Variants in MICAL1 observed in about 807,000 individuals in gnomAD.
MICAL1 encodes [F-actin]-monooxygenase MICAL1.
In MICAL1, 95 loss-of-function variants were observed where a neutral mutation model predicts 131.8. The observed-to-expected ratio is 0.72, with a 90% confidence interval of 0.61 to 0.86. The LOEUF (loss-of-function observed/expected upper bound fraction) is 0.86. Ranked by LOEUF, MICAL1 falls within the 40% of genes least tolerant of loss-of-function variation. The pLI, the probability that MICAL1 is intolerant of heterozygous loss-of-function variation, is 0.00. For missense variants in MICAL1, 1,292 were observed against 1,380.6 expected (o/e 0.94, Z 1.02); for synonymous variants, 546 against 554.2 (o/e 0.99, Z 0.21).
At chr6:109,456,220 G>C (rs1399604563), upstream of MICAL1, among the ~76,000 whole-genome samples, 1 of 152,200 alleles carries the variant, frequency 6.6e-6, no homozygotes, top group Non-Finnish European at 1.5e-5. Context: ...GCGGTCCCAG[G>C]TCCGCTGGCA....
At chr6:109,454,262 G>C in intron 1 of MICAL1, 23 bp from the exon 2 acceptor site, 2 of 1,530,136 alleles carry the variant, frequency 1.3e-6, no homozygotes, top group Non-Finnish European at 8.8e-7. Flanking sequence ...AAAAAGAAGG[G>C]GAAGAGGCTG....
In MICAL1 at chr6:109,445,716, G is replaced by A. The variant is rs897793589; in HGVS notation, c.2673+55C>T. On this transcript the variant is annotated intron_variant, in intron 20 of 24. Transcript: ENST00000358807. ...AGAAGGGTGCAGTGGACCAGTGCAG[G>A]TTTCTCCTGTAGTGGGCTGGAGAGC... The A allele has an allele frequency of 3.8e-6, 6 of 1,574,292 alleles. No individual in the cohort carries two copies. In the African/African-American group the frequency reaches 6.7e-5, roughly 18 times the overall value.
At chr6:109,460,490 A>C (rs1775857890), upstream of MICAL1, among the ~76,000 whole-genome samples, 1 of 147,594 alleles carries the variant, frequency 6.8e-6, no homozygotes, top group South Asian at 2.1e-4. Flanking sequence ...TTGATGTCCC[A>C]TGTTTCAAGT....
upstream of MICAL1, among the ~76,000 whole-genome samples, chr6:109,458,477 C>G (rs1230841202): frequency 6.6e-6 from 1 of 152,160 alleles, no homozygotes; most frequent in Non-Finnish European, 1.5e-5. Flanking sequence ...TGCCTGTAAT[C>G]CCAGCTACTC....
At chr6:109,460,652 G>T (rs1775863998), upstream of MICAL1, among the ~76,000 whole-genome samples, 1 of 152,058 alleles carries the variant, frequency 6.6e-6, no homozygotes, top group Non-Finnish European at 1.5e-5. Flanking sequence ...GTCACTCCTT[G>T]AGAGCTGCTA....
At chr6:109,446,976 A>AGCCTGTTTCCATCCTGT in intron 17 of MICAL1, 97 bp downstream of exon 17, 1 of 1,462,636 alleles carries the variant, frequency 6.8e-7, no homozygotes, top group South Asian at 1.3e-5. Flanking sequence ...TGCCATCTTG[A>AGCCTGTTTCCATCCTGT]GCCTGTTTCC....
At chr6:109,450,188 C>G in intron 8 of MICAL1, 103 bp from the exon 9 acceptor site, 1 of 1,560,126 alleles carries the variant, frequency 6.4e-7, no homozygotes, top group Non-Finnish European at 8.7e-7. Flanking sequence ...CATCCCCACA[C>G]CAGGCAGCCC....
chr6:109,448,768 A>T lies in MICAL1; in HGVS notation c.1628T>A (p.Leu543Gln), dbSNP rs776230096. 39 of 1,613,964 alleles carry T rather than the reference A, an allele frequency of 2.4e-5. No homozygotes were observed. Among genetic ancestry groups the T allele is most frequent in the Non-Finnish European group, 3.3e-5 (39 of 1,179,972 alleles). ...LSSSWADGLA[L>Q]CALVYRLQPG... The stretch of plus-strand genomic sequence containing the variant: ...CTGCAGCCGGTACACCAGGGCACAC[A>T]GAGCTAGCCCATCAGCCCAGGAGGA... The change falls in exon 12 of 25, where the codon CTG (leucine) becomes CAG (glutamine). Residue 543 changes from leucine (L) to glutamine (Q), a missense_variant. Physicochemically the swap from Leu to Gln is moderately radical, Grantham distance 113. Transcript: ENST00000358807.
chr6:109,445,753 G>GC lies in MICAL1; in HGVS notation c.2673+17dup. The GC allele has an allele frequency of 6.2e-7, 1 of 1,603,928 alleles. No individual in the cohort carries two copies. The highest frequency in any genetic ancestry group is 8.5e-7 in the Non-Finnish European group (1 of 1,175,002). ...GTGGGCTGGAGAGCGTTTTGTGGCTGCACGCTGGCCCACTCACCTGTTCCA... is the reference window on the plus strand; with the variant it reads ...GTGGGCTGGAGAGCGTTTTGTGGCTGCCACGCTGGCCCACTCACCTGTTCCA... On this transcript the variant is annotated intron_variant, in intron 20 of 24. Coordinates refer to ENST00000358807, the MANE Select transcript of MICAL1 (RefSeq NM_022765.4).
In MICAL1 at chr6:109,450,300, C is replaced by T. The variant is rs930983195; in HGVS notation, c.1191G>A (p.Glu397=). Residue 397 remains glutamate (E), a splice_region_variant and synonymous_variant, in exon 8 of 25, where the codon GAG becomes GAA. Coordinates refer to ENST00000358807, the MANE Select transcript of MICAL1 (RefSeq NM_022765.4). ...CCCCTGTGCCTCCTGAACCCCTCAC[C>T]TCCACCAGGCAGTCCCCCACCAGTC... is the stretch of plus-strand genomic sequence containing the variant. ...LLGLVGDCLV[E]PFWPLGTGVA... is the part of the protein sequence containing the mutation. 15 of 1,601,038 alleles carry T rather than the reference C, an allele frequency of 9.4e-6. No individual in the cohort carries two copies. The highest frequency in any genetic ancestry group is 2.2e-5 in the South Asian group (2 of 90,790).
chr6:109,456,101 G>C (rs1005323447), upstream of MICAL1: 201 of 857,236 alleles, frequency 2.3e-4, no homozygotes, highest in South Asian at 3.8e-4. Flanking sequence ...TCGAGGGTCA[G>C]GGCGCCCAGT....
At chr6:109,459,299 TCAC>T (rs531170231), upstream of MICAL1, among the ~76,000 whole-genome samples, 1 of 152,178 alleles carries the variant, frequency 6.6e-6, no homozygotes, top group Non-Finnish European at 1.5e-5. Context: ...CCCAAACAGA[TCAC>T]CACTTCCAGT....
At chr6:109,452,437 G>C (rs779542636) in intron 5 of MICAL1, 36 bp from the exon 6 acceptor site, 2 of 1,611,826 alleles carry the variant, frequency 1.2e-6, no homozygotes, top group Non-Finnish European at 1.7e-6. Flanking sequence ...GGCAGGAGGA[G>C]GGGGTTATAA....
At position 109,454,040 on chromosome 6, in the gene MICAL1, C is replaced by T; in HGVS notation, c.157G>A (p.Asp53Asn). The T allele has an allele frequency of 1.9e-6, 3 of 1,614,128 alleles. No homozygotes were observed. The highest frequency in any genetic ancestry group is 2.2e-5 in the South Asian group (2 of 91,080). Reference sequence around the variant, plus strand: ...TTGGCGCTCCAGTAGTTGAGCTGGTCCTTGATCTTGTGGTACTGGGGCAGC... The same window carrying T: ...TTGGCGCTCCAGTAGTTGAGCTGGTTCTTGATCTTGTGGTACTGGGGCAGC... ...GGLPQYHKIK[D>N]QLNYWSAKSL... is the part of the protein sequence containing the mutation. The change falls in exon 2 of 25, where the codon GAC becomes AAC. Residue 53 changes from aspartate to asparagine, a missense_variant. Physicochemically the swap from Asp to Asn is conservative, Grantham distance 23. Transcript: ENST00000358807.
At chr6:109,449,905 G>A (rs1159077004) in intron 9 of MICAL1, 65 bp downstream of exon 9, 11 of 1,595,034 alleles carry the variant, frequency 6.9e-6, no homozygotes, top group African/African-American at 2.7e-5. Context: ...CAGCACCCCT[G>A]CCCCTCTTCC....
intron 10 of MICAL1, 73 bp from the exon 11 acceptor site, chr6:109,449,554 G>A (rs1182237879): frequency 1.8e-5 from 29 of 1,604,492 alleles, no homozygotes; most frequent in East Asian, 4.5e-5. Context: ...AGGGCCTGCC[G>A]GGGGTAGGAT....
At chr6:109,465,570 C>T in intron 1 of MICAL1, 2 of 1,319,240 alleles carry the variant, frequency 1.5e-6, no homozygotes, top group East Asian at 2.5e-5. Context: ...GAGATCAATG[C>T]CCCCAAAGAA....
chr6:109,455,127 C>T lies in MICAL1; in HGVS notation c.-44+592G>A, dbSNP rs748349530. Among the ~76,000 whole-genome samples the T allele has an allele frequency of 8.5e-5, 13 of 152,144 alleles. No homozygotes were observed. Among genetic ancestry groups the T allele is most frequent in the Non-Finnish European group, 1.8e-4 (12 of 68,004 alleles). ...AGCCTCGCTTTGTCGCCCCCTCCCACGCCACCTGAAGGGTGCCCGAGGGGG... is the reference window on the plus strand; with the variant it reads ...AGCCTCGCTTTGTCGCCCCCTCCCATGCCACCTGAAGGGTGCCCGAGGGGG... On this transcript the variant is annotated intron_variant, in intron 1 of 24. Transcript: ENST00000358807. This position sits in a 1 kb window ranked among gnomAD's most constrained non-coding sequence, Gnocchi z 4.7.
chr6:109,446,451 G>A (rs565353672), intron 18 of MICAL1, 39 bp from the exon 19 acceptor site: 10 of 613,992 alleles, frequency 1.6e-5, no homozygotes, highest in African/African-American at 6.1e-5. Context: ...CGGGGGGTGA[G>A]GCCACCCCTT....
Sources: allele counts gnomAD v4.1 joint callset (sites outside exome capture counted in the v4.1 genomes callset), GRCh38; gene constraint gnomAD v4.1.1; non-coding constraint Gnocchi (gnomAD v3.1); transcripts MANE v1.5; gene names NCBI Gene and HGNC (gene_info 2026-07-23, HGNC 2026-07-21).